FBXO42: variants seen among roughly 807,000 people sequenced by gnomAD.
FBXO42 encodes F-box only protein 42.
Under a neutral mutation model 71.7 loss-of-function variants are expected in FBXO42, and 12 were observed. The observed-to-expected ratio is 0.17, with a 90% confidence interval of 0.11 to 0.27. FBXO42 has a LOEUF of 0.27. Ranked by LOEUF, FBXO42 falls within the 10% of genes least tolerant of loss-of-function variation. The pLI is 1.00. For synonymous variants in FBXO42, 325 were observed against 327.5 expected (o/e 0.99, Z 0.08); for missense variants, 707 against 911.9 (o/e 0.78, Z 2.89).
At chr1:16,328,682 C>T (rs2100603301) in intron 1 of FBXO42, among the ~76,000 whole-genome samples, 1 of 152,138 alleles carries the variant, frequency 6.6e-6, no homozygotes, top group East Asian at 1.9e-4. Context: ...CTGTTAACTG[C>T]AAGGGCCTAC....
At chr1:16,313,774 A>G (rs1474898144) in intron 2 of FBXO42, among the ~76,000 whole-genome samples, 2 of 152,202 alleles carry the variant, frequency 1.3e-5, no homozygotes, top group Non-Finnish European at 2.9e-5. Context: ...TCCCCCAGGA[A>G]AGAACACATT....
intron 1 of FBXO42, among the ~76,000 whole-genome samples, chr1:16,317,768 T>A (rs763488264): frequency 6.6e-6 from 1 of 151,082 alleles, no homozygotes; most frequent in African/African-American, 2.4e-5. Context: ...TACAAAAAAA[T>A]AATTAACCGG....
In FBXO42 at chr1:16,329,656, G is replaced by GA. The variant is rs58799661; in HGVS notation, c.-17-14222dup. The stretch of plus-strand genomic sequence containing the variant: ...AATTCATATTGATATAACTGATTAA[G>GA]AAAAAAAAAAAGGCTGGGTGCGGTG... On this transcript the variant is annotated intron_variant, in intron 1 of 9. Transcript: ENST00000375592. Among the ~76,000 whole-genome samples, 317 of 142,220 alleles carry GA rather than the reference G, an allele frequency of 2.2e-3. 2 individuals carry two copies. The highest frequency in any genetic ancestry group is 6.7e-3 in the African/African-American group (262 of 38,900). The allele number at this position is 142,220 out of a possible 152,430, so 93.3% of individuals were successfully genotyped here. A position where few individuals can be genotyped will look rare whatever the true frequency, so the allele number is the denominator to read the frequency against.
chr1:16,320,623 C>T (rs2082403669), intron 1 of FBXO42, among the ~76,000 whole-genome samples: 2 of 151,894 alleles, frequency 1.3e-5, no homozygotes, highest in Non-Finnish European at 1.5e-5. Context: ...CCCACCTCAG[C>T]CTCCCAAGTA....
intron 1 of FBXO42, among the ~76,000 whole-genome samples, chr1:16,330,679 C>T (rs988847541): frequency 1.3e-5 from 2 of 152,000 alleles, no homozygotes; most frequent in African/African-American, 2.4e-5. Context: ...CGGTGGCTCA[C>T]GCCTGTAATC....
chr1:16,334,702 G>A (rs2100616701), intron 1 of FBXO42, among the ~76,000 whole-genome samples: 1 of 152,018 alleles, frequency 6.6e-6, no homozygotes, highest in East Asian at 1.9e-4. Context: ...AGGTTGTTAT[G>A]AGTTATCTAG....
At chr1:16,335,063 CAAAAAAAAAA>C (rs55983316) in intron 1 of FBXO42, among the ~76,000 whole-genome samples, 47 of 69,024 alleles carry the variant, frequency 6.8e-4, no homozygotes, top group East Asian at 4.5e-3. Context: ...CTCGTCTGTA[CAAAAAAAAAA>C]AAAAAAAAAA....
chr1:16,318,483 A>G (rs933471730), intron 1 of FBXO42, among the ~76,000 whole-genome samples: 4 of 152,216 alleles, frequency 2.6e-5, no homozygotes, highest in African/African-American at 9.6e-5. Context: ...GAATATTATT[A>G]ATAATTTTAA....
intron 3 of FBXO42, among the ~76,000 whole-genome samples, chr1:16,295,137 C>G (rs2082115521): frequency 6.6e-6 from 1 of 152,126 alleles, no homozygotes; most frequent in Non-Finnish European, 1.5e-5. Context: ...TCTGAGCACA[C>G]TAAGCAAGTT....
chr1:16,325,237 C>G (rs1030925284), intron 1 of FBXO42, among the ~76,000 whole-genome samples: 2 of 151,918 alleles, frequency 1.3e-5, no homozygotes, highest in Non-Finnish European at 2.9e-5. Context: ...GACTCTGTCC[C>G]AAAACAACAA....
In FBXO42 at chr1:16,256,754, A is replaced by G; in HGVS notation, c.508T>C (p.Tyr170His). The part of the protein sequence containing the change: ...EWIRPLASGS[Y>H]PSPKAGATLV... ...GTTGCTCCAGCTTTGGGGGAAGGAT[A>G]GGACCCTAGGGAAAGTCAGTAACAC... The change falls in exon 5 of 10, where the codon TAT becomes CAT. Residue 170 changes from tyrosine to histidine, a missense_variant. Coordinates refer to ENST00000375592, the MANE Select transcript of FBXO42 (RefSeq NM_018994.3). The G allele has an allele frequency of 6.2e-7, 1 of 1,614,126 alleles. No individual in the cohort carries two copies. Among genetic ancestry groups the G allele is most frequent in the South Asian group, 1.1e-5 (1 of 91,074 alleles).
intron 3 of FBXO42, among the ~76,000 whole-genome samples, chr1:16,304,778 G>A (rs921550491): frequency 6.6e-6 from 1 of 151,928 alleles, no homozygotes; most frequent in African/African-American, 2.4e-5. Flanking sequence ...AGACCAGCCT[G>A]GCCAACATGG....
chr1:16,313,976 C>G (rs892446560), intron 2 of FBXO42, among the ~76,000 whole-genome samples: 1 of 152,108 alleles, frequency 6.6e-6, no homozygotes, highest in Non-Finnish European at 1.5e-5. Context: ...AAAAAAGGAC[C>G]AGAGTCTTGC....
chr1:16,342,795 A>T (rs2082619724), intron 1 of FBXO42, among the ~76,000 whole-genome samples: 1 of 152,082 alleles, frequency 6.6e-6, no homozygotes, highest in Admixed American at 6.6e-5. Flanking sequence ...TAATGGGGGC[A>T]GATCTCTCAT....
intron 1 of FBXO42, among the ~76,000 whole-genome samples, chr1:16,335,914 TA>T (rs2082548411): frequency 6.6e-6 from 1 of 152,048 alleles, no homozygotes; most frequent in Non-Finnish European, 1.5e-5. Context: ...GCCTATTCTT[TA>T]AAATTCAAGG....
At chr1:16,325,329 G>A (rs1398387729) in intron 1 of FBXO42, among the ~76,000 whole-genome samples, 2 of 151,932 alleles carry the variant, frequency 1.3e-5, no homozygotes, top group African/African-American at 4.8e-5. Context: ...TAAGTACACA[G>A]TTTAATATTT....
intron 4 of FBXO42, among the ~76,000 whole-genome samples, chr1:16,291,991 T>C (rs1283958462): frequency 6.6e-6 from 1 of 152,142 alleles, no homozygotes; most frequent in African/African-American, 2.4e-5. Context: ...TATTAAACAA[T>C]TGTTTTTTAT....
intron 4 of FBXO42, among the ~76,000 whole-genome samples, chr1:16,281,464 CTTTTTTTG>C (rs1197300497): frequency 6.8e-6 from 1 of 147,734 alleles, no homozygotes; most frequent in African/African-American, 2.6e-5. Context: ...TTTTCTTTTT[CTTTTTTTG>C]TTTTTTTTTT....
At chr1:16,306,753 GGCAT>G (rs1417697759) in intron 2 of FBXO42, among the ~76,000 whole-genome samples, 1 of 152,064 alleles carries the variant, frequency 6.6e-6, no homozygotes, top group Non-Finnish European at 1.5e-5. Flanking sequence ...AGGCTGCAGT[GGCAT>G]GCATGACTTT....
Sources: allele counts gnomAD v4.1 joint callset (sites outside exome capture counted in the v4.1 genomes callset), GRCh38; gene constraint gnomAD v4.1.1; transcripts MANE v1.5; gene names NCBI Gene and HGNC (gene_info 2026-07-23, HGNC 2026-07-21).